The following SPOCK3 variants were observed in gnomAD, a reference collection of about 807,000 sequenced individuals.
SPOCK3 encodes testican-3.
SPOCK3 carries 30 observed loss-of-function variants against 56.6 expected under a neutral mutation model. That is an observed-to-expected ratio of 0.53 (90% CI 0.40 to 0.72). The LOEUF is 0.72. SPOCK3 is among the 30% of genes least tolerant of loss of function. The pLI is 0.00. For missense variants in SPOCK3, 527 were observed against 530.0 expected, an observed-to-expected ratio of 0.99 and a Z score of 0.06; for synonymous variants, 196 against 183.3, an observed-to-expected ratio of 1.07 and a Z score of -0.56.
intron 2 of SPOCK3, among the ~76,000 whole-genome samples, chr4:167,073,399 T>C (rs2150272014): frequency 6.6e-6 from 1 of 151,930 alleles, no homozygotes; most frequent in Non-Finnish European, 1.5e-5. Flanking sequence ...TAAATGAAAG[T>C]AAAATAATAG....
chr4:166,974,523 A>G (rs1210004496), intron 4 of SPOCK3, among the ~76,000 whole-genome samples: 1 of 152,166 alleles, frequency 6.6e-6, no homozygotes, highest in Non-Finnish European at 1.5e-5. Context: ...ATAATAATCT[A>G]TAATATGTAT....
At chr4:167,035,843 G>C (rs1045839767) in intron 3 of SPOCK3, among the ~76,000 whole-genome samples, 5 of 152,188 alleles carry the variant, frequency 3.3e-5, no homozygotes, top group African/African-American at 7.2e-5. Context: ...CTACTATCAG[G>C]AGTTCCACAA....
chr4:166,755,579 G>C (rs559930477), intron 7 of SPOCK3, among the ~76,000 whole-genome samples: 7 of 152,040 alleles, frequency 4.6e-5, no homozygotes, highest in Non-Finnish European at 7.4e-5. Flanking sequence ...TTATCTAGTT[G>C]TTGTTTAATT....
intron 3 of SPOCK3, among the ~76,000 whole-genome samples, chr4:167,056,716 C>T (rs943441295): frequency 2.8e-4 from 42 of 151,898 alleles, no homozygotes; most frequent in African/African-American, 3.4e-4. Flanking sequence ...TGAAATGAAG[C>T]GAGAAGGGAA....
At chr4:166,903,254 T>A (rs147292776) in intron 5 of SPOCK3, among the ~76,000 whole-genome samples, 92 of 151,640 alleles carry the variant, frequency 6.1e-4, no homozygotes, top group Non-Finnish European at 1.2e-3. Flanking sequence ...GAATTAATAA[T>A]AGATTTCTAC....
chr4:166,824,705 G>C (rs747630200), intron 6 of SPOCK3, among the ~76,000 whole-genome samples: 6 of 152,018 alleles, frequency 3.9e-5, no homozygotes, highest in African/African-American at 7.2e-5. Flanking sequence ...GAAGACTAAA[G>C]ATACAAGAAT....
intron 2 of SPOCK3, among the ~76,000 whole-genome samples, chr4:167,210,276 T>C (rs1734747026): frequency 6.6e-6 from 1 of 152,188 alleles, no homozygotes; most frequent in African/African-American, 2.4e-5. Context: ...CAAACTCTGC[T>C]CATTCATCAA....
In SPOCK3 at chr4:166,734,725, A is replaced by G. The variant is rs1454863761; in HGVS notation, c.*196T>C. The G allele has an allele frequency of 3.2e-5, 16 of 506,948 alleles. No homozygotes were observed. The highest frequency in any genetic ancestry group is 4.4e-5 in the Non-Finnish European group (13 of 294,182). 31.4% of individuals were successfully genotyped at this position (506,948 alleles called of 1,614,324 possible). On this transcript the variant is annotated 3_prime_UTR_variant, in exon 11 of 11. Coordinates refer to ENST00000357545, the MANE Select transcript of SPOCK3 (RefSeq NM_001040159.2). Reference sequence around the variant, plus strand: ...TATGTATTTTCTTTTTGTGTAAGGAATATAAAAACTCAAAGCAAATGATTC... The same window carrying G: ...TATGTATTTTCTTTTTGTGTAAGGAGTATAAAAACTCAAAGCAAATGATTC...
At chr4:166,840,166 G>A (rs537243141) in intron 6 of SPOCK3, among the ~76,000 whole-genome samples, 1 of 152,156 alleles carries the variant, frequency 6.6e-6, no homozygotes, top group Non-Finnish European at 1.5e-5. Context: ...TGAAATCTAA[G>A]TTCTCCGTAT....
intron 3 of SPOCK3, among the ~76,000 whole-genome samples, chr4:167,036,613 A>G (rs867442150): frequency 6.6e-6 from 1 of 152,230 alleles, no homozygotes; most frequent in East Asian, 1.9e-4. Flanking sequence ...TGACATTTAA[A>G]TTTTTTAACG....
At chr4:167,139,515 G>C (rs1346856300) in intron 2 of SPOCK3, among the ~76,000 whole-genome samples, 1 of 151,870 alleles carries the variant, frequency 6.6e-6, no homozygotes, top group Non-Finnish European at 1.5e-5. Context: ...AACTAATAGA[G>C]CTGACATGTT....
intron 6 of SPOCK3, among the ~76,000 whole-genome samples, chr4:166,886,811 T>C (rs991194808): frequency 3.5e-4 from 53 of 152,306 alleles, no homozygotes; most frequent in African/African-American, 1.3e-3. Context: ...GCTTCTAATG[T>C]AAATGACAGT....
intron 3 of SPOCK3, among the ~76,000 whole-genome samples, chr4:167,033,135 CATT>C (rs1167414906): frequency 1.3e-5 from 2 of 151,740 alleles, no homozygotes; most frequent in Non-Finnish European, 2.9e-5. Context: ...TTATCATAAA[CATT>C]ATTACTAAAT....
chr4:166,937,920 C>T (rs1161183600), intron 4 of SPOCK3, among the ~76,000 whole-genome samples: 5 of 140,210 alleles, frequency 3.6e-5, no homozygotes, highest in Non-Finnish European at 4.6e-5. Flanking sequence ...CCCGCCACCA[C>T]GCCCGGCTAA....
At chr4:166,765,971 T>G (rs966451635) in intron 7 of SPOCK3, among the ~76,000 whole-genome samples, 14 of 152,100 alleles carry the variant, frequency 9.2e-5, no homozygotes, top group Admixed American at 8.5e-4. Flanking sequence ...AGTTCACTCA[T>G]GATTTGGCTC....
intron 7 of SPOCK3, among the ~76,000 whole-genome samples, chr4:166,770,242 T>C (rs889522845): frequency 1.3e-5 from 2 of 152,014 alleles, no homozygotes; most frequent in African/African-American, 4.8e-5. Flanking sequence ...GGTACCTCAG[T>C]TGGAAATGCA....
chr4:166,803,765 C>A (rs537625874), intron 6 of SPOCK3, among the ~76,000 whole-genome samples: 33 of 152,150 alleles, frequency 2.2e-4, no homozygotes, highest in Admixed American at 9.8e-4. Context: ...AATAATGCAA[C>A]CAAAATGCTA....
chr4:166,922,215 G>T (rs912685789), intron 4 of SPOCK3, among the ~76,000 whole-genome samples: 2 of 152,130 alleles, frequency 1.3e-5, no homozygotes, highest in African/African-American at 4.8e-5. Context: ...AAAGATTGGG[G>T]ACCGCTGCCC....
At chr4:167,122,894 AAAATAATAGT>A (rs1486618191) in intron 2 of SPOCK3, among the ~76,000 whole-genome samples, 1 of 152,032 alleles carries the variant, frequency 6.6e-6, no homozygotes, top group Non-Finnish European at 1.5e-5. Context: ...TCTTTTATTC[AAAATAATAGT>A]AGTACCAGCC....
Sources: gnomAD v4.1 joint callset for allele counts (sites outside exome capture counted in the v4.1 genomes callset) on GRCh38, gnomAD v4.1.1 for gene constraint, MANE v1.5 for transcripts, NCBI Gene and HGNC (gene_info 2026-07-23, HGNC 2026-07-21) for gene names.